The following NOL4 variants were observed in gnomAD, a reference collection of about 807,000 sequenced individuals.
The protein encoded by NOL4 is cancer/testis antigen 125.
A neutral mutation model predicts 75.9 loss-of-function variants in NOL4; 17 were observed. The observed-to-expected ratio is 0.22, with a 90% CI of 0.15 to 0.34. NOL4 has a LOEUF of 0.34. Ranked by LOEUF, NOL4 falls within the 10% of genes least tolerant of loss-of-function variation. The probability of loss-of-function intolerance (pLI) is 1.00; values close to 1 mark genes in which losing one functional copy is unlikely to be tolerated. For missense variants in NOL4, 614 were observed against 793.5 expected (o/e 0.77, Z 2.72); for synonymous variants, 292 against 289.9 (o/e 1.01, Z -0.07).
At chr18:34,150,537 G>GA (rs893022618) in intron 1 of NOL4, among the ~76,000 whole-genome samples, 24 of 151,494 alleles carry the variant, frequency 1.6e-4, no homozygotes, top group Non-Finnish European at 3.0e-4. Flanking sequence ...TGCACGTGTG[G>GA]AAAAAAGGAG....
intron 1 of NOL4, among the ~76,000 whole-genome samples, chr18:34,137,547 C>T (rs2080943517): frequency 6.6e-6 from 1 of 152,130 alleles, no homozygotes; most frequent in East Asian, 1.9e-4. Context: ...TAATATAATT[C>T]GTGATTAGAT....
intron 8 of NOL4, 149 bp from the exon 9 acceptor site, chr18:33,943,327 T>G: frequency 3.3e-6 from 2 of 605,490 alleles, no homozygotes; most frequent in Non-Finnish European, 5.8e-6. Flanking sequence ...AAAGAGGAAA[T>G]GGAAATTGTA....
Position 34,217,953 on chromosome 18 carries a change from C to G in NOL4, c.264+5037G>C, listed in dbSNP as rs2037028556. On this transcript the variant is annotated intron_variant, in intron 1 of 10. Coordinates refer to ENST00000261592, the MANE Select transcript of NOL4 (RefSeq NM_003787.5). ...CGTCAGAGCCAGGATTTAAATTGTG[C>G]TGTAAAATCAACACTCTACTCACTA... 2.0e-5 allele frequency among the ~76,000 whole-genome samples: 3 copies of G among 152,012 alleles called. No individual in the cohort carries two copies. The South Asian group carries it at 6.2e-4, about 31-fold the overall frequency.
chr18:34,168,493 A>T (rs1287229189), intron 1 of NOL4, among the ~76,000 whole-genome samples: 11 of 151,528 alleles, frequency 7.3e-5, no homozygotes, highest in Non-Finnish European at 1.3e-4. Context: ...AAAAGAAAGT[A>T]GGGGGAAGAA....
At chr18:34,214,927 G>A (rs2036774106) in intron 1 of NOL4, among the ~76,000 whole-genome samples, 1 of 152,116 alleles carries the variant, frequency 6.6e-6, no homozygotes, top group Non-Finnish European at 1.5e-5. Flanking sequence ...GACAAATTCT[G>A]TATGATTCCA....
At chr18:34,179,440 T>A (rs868801403) in intron 1 of NOL4, among the ~76,000 whole-genome samples, 1 of 151,130 alleles carries the variant, frequency 6.6e-6, no homozygotes, top group African/African-American at 2.4e-5. Flanking sequence ...GTGGTAAAGA[T>A]CAGCAAAACA....
intron 5 of NOL4, among the ~76,000 whole-genome samples, chr18:34,057,878 A>G (rs1340322765): frequency 6.6e-6 from 1 of 152,174 alleles, no homozygotes; most frequent in African/African-American, 2.4e-5. Flanking sequence ...TTAAGCTTCT[A>G]TGATTATTCT....
At chr18:34,174,198 A>C (rs1011490678) in intron 1 of NOL4, among the ~76,000 whole-genome samples, 7 of 152,152 alleles carry the variant, frequency 4.6e-5, no homozygotes, top group Non-Finnish European at 7.4e-5. Flanking sequence ...GTCAGGCTAA[A>C]ATTGTACTGT....
At chr18:33,879,621 C>A (rs1203790633) in intron 10 of NOL4, among the ~76,000 whole-genome samples, 1 of 152,060 alleles carries the variant, frequency 6.6e-6, no homozygotes, top group African/African-American at 2.4e-5. Flanking sequence ...GCAGAGGTAG[C>A]AGTGAGCCAA....
chr18:33,952,910 G>A (rs1200349207), intron 8 of NOL4, among the ~76,000 whole-genome samples: 1 of 152,180 alleles, frequency 6.6e-6, no homozygotes, highest in Non-Finnish European at 1.5e-5. Context: ...GGCAACAAGA[G>A]TGAAACTCCG....
At chr18:33,924,264 T>C (rs184486249) in intron 9 of NOL4, among the ~76,000 whole-genome samples, 2 of 152,300 alleles carry the variant, frequency 1.3e-5, no homozygotes, top group Admixed American at 6.5e-5. Flanking sequence ...CTCAGAACAG[T>C]GAAAGGCAAC....
chr18:33,855,970 A>G (rs908813868), intron 10 of NOL4, among the ~76,000 whole-genome samples: 3 of 151,870 alleles, frequency 2.0e-5, no homozygotes, highest in Non-Finnish European at 4.4e-5. Context: ...GCCCCTTAGG[A>G]CAAAGTTTTG....
In NOL4 at chr18:34,182,147, G is replaced by T. The variant is rs560301144; in HGVS notation, c.264+40843C>A. On this transcript the variant is annotated intron_variant, in intron 1 of 10. Transcript: ENST00000261592. ...GCATTATTTGTAATAGCTGAAAAAT[G>T]GAAACAACTCAAACTTCTATCAACT... Among the ~76,000 whole-genome samples the T allele has an allele frequency of 2.0e-5, 3 of 151,666 alleles. No individual in the cohort carries two copies. In the South Asian group the frequency reaches 6.2e-4, roughly 31 times the overall value.
chr18:33,919,461 T>G (rs549426172), intron 9 of NOL4, among the ~76,000 whole-genome samples: 19 of 152,304 alleles, frequency 1.2e-4, no homozygotes, highest in African/African-American at 4.1e-4. Context: ...ATATAACTTT[T>G]CAGAAACGCT....
chr18:34,209,974 T>C (rs778406280), intron 1 of NOL4, among the ~76,000 whole-genome samples: 8 of 152,204 alleles, frequency 5.3e-5, no homozygotes, highest in Non-Finnish European at 8.8e-5. Flanking sequence ...TATTTATATC[T>C]TTAATTCATA....
intron 5 of NOL4, among the ~76,000 whole-genome samples, chr18:34,072,048 T>C (rs2077543957): frequency 1.3e-5 from 2 of 152,124 alleles, no homozygotes; most frequent in African/African-American, 4.8e-5. Context: ...CTGACCAAGA[T>C]GGTGAAACCA....
At chr18:33,915,359 A>G (rs2066650748) in intron 9 of NOL4, among the ~76,000 whole-genome samples, 1 of 152,150 alleles carries the variant, frequency 6.6e-6, no homozygotes, top group South Asian at 2.1e-4. Context: ...AAAGGGAAAG[A>G]GAAATGTGGA....
chr18:34,071,438 GACACAC>G (rs61428886), intron 5 of NOL4, among the ~76,000 whole-genome samples: 2 of 147,694 alleles, frequency 1.4e-5, no homozygotes, highest in African/African-American at 2.5e-5. Flanking sequence ...CAGACAGACA[GACACAC>G]ACACACACAC....
chr18:34,197,013 T>C (rs1393793996), intron 1 of NOL4, among the ~76,000 whole-genome samples: 1 of 151,984 alleles, frequency 6.6e-6, no homozygotes, highest in Non-Finnish European at 1.5e-5. Flanking sequence ...TGTTTTCTTT[T>C]AGGAGTAGAA....
Sources: allele counts gnomAD v4.1 joint callset (sites outside exome capture counted in the v4.1 genomes callset), GRCh38; gene constraint gnomAD v4.1.1; transcripts MANE v1.5; gene names NCBI Gene and HGNC (gene_info 2026-07-23, HGNC 2026-07-21).